The following EFHC1 variants were observed in gnomAD, a reference collection of about 807,000 sequenced individuals.
EFHC1 encodes EF-hand domain-containing protein 1.
EFHC1 carries 53 observed loss-of-function variants against 69.9 expected under a neutral mutation model. That is an observed-to-expected ratio of 0.76 (90% CI 0.61 to 0.95). EFHC1 has a LOEUF of 0.95. EFHC1 is among the 40% of genes least tolerant of loss of function. The pLI is 0.00. For synonymous variants in EFHC1, 256 were observed against 278.4 expected, an observed-to-expected ratio of 0.92 and a Z score of 0.80; for missense variants, 739 against 798.7, an observed-to-expected ratio of 0.93 and a Z score of 0.90.
chr6:52,477,462 G>C (rs1360637934), intron 7 of EFHC1, among the ~76,000 whole-genome samples: 5 of 152,134 alleles, frequency 3.3e-5, no homozygotes, highest in Non-Finnish European at 1.5e-5. Flanking sequence ...AGTTTTGTTG[G>C]AACTGGAATT....
chr6:52,456,533 A>G (rs567670486), intron 5 of EFHC1, among the ~76,000 whole-genome samples: 6 of 152,330 alleles, frequency 3.9e-5, no homozygotes, highest in African/African-American at 1.4e-4. Context: ...ATATATAATT[A>G]TCCTCTTCTA....
chr6:52,495,996 T>C lies in EFHC1; in HGVS notation c.*3655T>C, dbSNP rs1046302188. ...CACAAACGTCAGAGCAAATCACTTT[T>C]TCTACTAAAATCCTGAATGGCAGTG... is the stretch of plus-strand genomic sequence containing the variant. On this transcript the variant is annotated 3_prime_UTR_variant, in exon 11 of 11. Transcript: ENST00000371068. 2 of 214,598 alleles carry C rather than the reference T, an allele frequency of 9.3e-6. No homozygotes were observed. Among genetic ancestry groups the C allele is most frequent in the African/African-American group, 4.6e-5 (2 of 43,322 alleles). 13.3% of individuals were successfully genotyped at this position (214,598 alleles called of 1,614,324 possible).
At chr6:52,468,106 T>G (rs1765350300) in intron 6 of EFHC1, among the ~76,000 whole-genome samples, 1 of 152,194 alleles carries the variant, frequency 6.6e-6, no homozygotes, top group Non-Finnish European at 1.5e-5. Context: ...TGGCTCCATC[T>G]GGAGGCATGC....
At chr6:52,455,653 C>CAAA (rs201925030) in intron 5 of EFHC1, among the ~76,000 whole-genome samples, 1 of 138,890 alleles carries the variant, frequency 7.2e-6, no homozygotes, top group African/African-American at 2.6e-5. Flanking sequence ...GACTCCATCT[C>CAAA]AAAAAAAAAA....
chr6:52,487,411 T>G (rs542645742), intron 9 of EFHC1: 1 of 152,320 alleles, frequency 6.6e-6, no homozygotes, highest in African/African-American at 2.4e-5. Context: ...AAGGTCCTGT[T>G]TTTGGTCCTT....
At position 52,445,300 on chromosome 6, in the gene EFHC1, T is replaced by C. The variant is rs181898393; in HGVS notation, c.573+6709T>C. 2.0e-5 allele frequency among the ~76,000 whole-genome samples: 3 copies of C among 151,398 alleles called. No homozygotes were observed. In the South Asian group the frequency reaches 6.2e-4, roughly 31 times the overall value. On this transcript the variant is annotated intron_variant, in intron 3 of 10. Coordinates refer to ENST00000371068, the MANE Select transcript of EFHC1 (RefSeq NM_018100.4). ...TGGTTTTTTAATTAATTAATTTATT[T>C]ATTTTTTTATTATTATACTTTAAGT...
intron 9 of EFHC1, chr6:52,486,894 A>G (rs1179016941): frequency 6.6e-6 from 1 of 151,956 alleles, no homozygotes; most frequent in East Asian, 1.9e-4. Context: ...GACTCTTCTC[A>G]TTTAGTCATT....
rs1766046329 is a variant in EFHC1 at position 52,495,899 on chromosome 6, C to T, written c.*3558C>T. ...AAAGAGATTTCATGAAAGACCAAAG[C>T]CAGCAGGCCATTTCTGTGGTGTCCA... is the stretch of plus-strand genomic sequence containing the variant. On this transcript the variant is annotated 3_prime_UTR_variant, in exon 11 of 11. Coordinates refer to ENST00000371068, the MANE Select transcript of EFHC1 (RefSeq NM_018100.4). The T allele has an allele frequency of 2.3e-5, 7 of 298,060 alleles. No homozygotes were observed. In the South Asian group the frequency reaches 2.4e-4, roughly 10 times the overall value. The allele number at this position is 298,060 out of a possible 1,614,324, so 18.5% of individuals were successfully genotyped here. A position where few individuals can be genotyped will look rare whatever the true frequency, so the allele number is the denominator to read the frequency against.
chr6:52,439,912 C>A (rs1053512896), intron 3 of EFHC1, among the ~76,000 whole-genome samples: 2 of 152,138 alleles, frequency 1.3e-5, no homozygotes, highest in African/African-American at 4.8e-5. Context: ...CACAATTGTA[C>A]CAACAGTGAG....
At chr6:52,443,270 G>T (rs899937942) in intron 3 of EFHC1, among the ~76,000 whole-genome samples, 1 of 152,190 alleles carries the variant, frequency 6.6e-6, no homozygotes, top group Non-Finnish European at 1.5e-5. Flanking sequence ...TTATTTTGCT[G>T]TGCAGAAGCT....
At chr6:52,486,714 C>T (rs1332813504) in intron 9 of EFHC1, 1 of 152,122 alleles carries the variant, frequency 6.6e-6, no homozygotes, top group Admixed American at 6.6e-5. Context: ...CTTCTCTTTA[C>T]CTTCTTTTGT....
rs1764985948 is a variant in EFHC1 at position 52,454,157 on chromosome 6, C to T, written c.786C>T (p.Tyr262=). The T allele has an allele frequency of 3.1e-6, 5 of 1,614,070 alleles. No homozygotes were observed. In the East Asian group the frequency reaches 8.9e-5, roughly 29 times the overall value. ...TDSMYGECRT[Y]IIHYYLMDDT... is the part of the protein sequence containing the mutation. ...GCATGTATGGTGAATGTCGGACCTA[C>T]ATCATTCATTACTATCTTATGGATG... Residue 262 remains tyrosine (Y), a synonymous_variant, in exon 5 of 11, where the codon TAC becomes TAT. Transcript: ENST00000371068.
Position 52,492,919 on chromosome 6 carries a change from A to T in EFHC1, c.*578A>T. 1 of 454,138 alleles carries T rather than the reference A, an allele frequency of 2.2e-6. No individual in the cohort carries two copies. The highest frequency in any genetic ancestry group is 4.4e-6 in the Non-Finnish European group (1 of 226,796). The allele number at this position is 454,138 out of a possible 1,614,324, so 28.1% of individuals were successfully genotyped here. A position where few individuals can be genotyped will look rare whatever the true frequency, so the allele number is the denominator to read the frequency against. Reference sequence around the variant, plus strand: ...GGCATGAGCCACTGTGCCCAGCCTCAGATATTTCATTATTCTGGGGGTTTC... The same window carrying T: ...GGCATGAGCCACTGTGCCCAGCCTCTGATATTTCATTATTCTGGGGGTTTC... On this transcript the variant is annotated 3_prime_UTR_variant, in exon 11 of 11. Transcript: ENST00000371068.
At chr6:52,465,175 A>C (rs1765275690) in intron 6 of EFHC1, 60 bp downstream of exon 6, 1 of 1,417,392 alleles carries the variant, frequency 7.1e-7, no homozygotes, top group Non-Finnish European at 9.8e-7. Flanking sequence ...TAGAAATTTA[A>C]GAAAAAAAGA....
At position 52,438,563 on chromosome 6, in the gene EFHC1, G is replaced by T. The variant is rs3804505; in HGVS notation, c.545G>T (p.Arg182Leu). Reference protein sequence around the residue: ...INITIYGKTFRVVDCDQFTQV... With the variant: ...INITIYGKTFLVVDCDQFTQV... ...ATCACAATTTATGGCAAAACTTTCCGCGTTGTTGACTGTGACCAATTCACA... is the reference window on the plus strand; with the variant it reads ...ATCACAATTTATGGCAAAACTTTCCTCGTTGTTGACTGTGACCAATTCACA... Residue 182 changes from arginine (R) to leucine (L), a missense_variant, in exon 3 of 11, where the codon CGC (arginine) becomes CTC (leucine). Physicochemically the swap from Arg to Leu is moderately radical, Grantham distance 102. Transcript: ENST00000371068. 1 of 1,613,710 alleles carries T rather than the reference G, an allele frequency of 6.2e-7. No homozygotes were observed. Among genetic ancestry groups the T allele is most frequent in the African/African-American group, 1.3e-5 (1 of 74,878 alleles).
At chr6:52,429,636 A>C (rs989113515) in intron 2 of EFHC1, among the ~76,000 whole-genome samples, 1 of 152,200 alleles carries the variant, frequency 6.6e-6, no homozygotes, top group African/African-American at 2.4e-5. Flanking sequence ...TGATGCCTCC[A>C]GGTTTATTCT....
chr6:52,466,685 T>G (rs1380756909), intron 6 of EFHC1, among the ~76,000 whole-genome samples: 1 of 152,248 alleles, frequency 6.6e-6, no homozygotes. Flanking sequence ...AATATGTTTC[T>G]TGAACTGGAC....
intron 10 of EFHC1, 46 bp from the exon 11 acceptor site, chr6:52,492,223 GA>G: frequency 6.4e-7 from 1 of 1,561,124 alleles, no homozygotes; most frequent in Non-Finnish European, 8.8e-7. Context: ...TGAGCTGACG[GA>G]AGCCCTGCAG....
chr6:52,462,280 TA>T (rs980766408), intron 5 of EFHC1, among the ~76,000 whole-genome samples: 1 of 151,342 alleles, frequency 6.6e-6, no homozygotes, highest in Non-Finnish European at 1.5e-5. Flanking sequence ...CTTAAAACTC[TA>T]AAAAAAAGAG....
Sources: gnomAD v4.1 joint callset for allele counts (sites outside exome capture counted in the v4.1 genomes callset) on GRCh38, gnomAD v4.1.1 for gene constraint, MANE v1.5 for transcripts, NCBI Gene and HGNC (gene_info 2026-07-23, HGNC 2026-07-21) for gene names.